PIGU: variants seen among roughly 807,000 people sequenced by gnomAD.
The protein encoded by PIGU is phosphatidylinositol glycan anchor biosynthesis class U, also known as GPI-anchor transamidase component PIGU.
Under a neutral mutation model 49.9 loss-of-function variants are expected in PIGU, and 24 were observed. The observed-to-expected ratio is 0.48, with a 90% confidence interval of 0.35 to 0.68. The LOEUF is 0.68. Among genes scored for constraint, PIGU ranks in the 30% least tolerant of loss-of-function variants. PIGU has a pLI of 0.01. For synonymous variants in PIGU, 220 were observed against 205.7 expected, an observed-to-expected ratio of 1.07 and a Z score of -0.59; for missense variants, 490 against 532.6, an observed-to-expected ratio of 0.92 and a Z score of 0.79.
intron 7 of PIGU, among the ~76,000 whole-genome samples, chr20:34,609,933 CT>C (rs1367668015): frequency 6.6e-6 from 1 of 152,138 alleles, no homozygotes; most frequent in Non-Finnish European, 1.5e-5. Flanking sequence ...TTATAAGGGT[CT>C]TTTCCCTCTT....
chr20:34,614,055 G>T (rs1568639787), intron 7 of PIGU, among the ~76,000 whole-genome samples: 1 of 152,176 alleles, frequency 6.6e-6, no homozygotes, highest in South Asian at 2.1e-4. Context: ...CAGCACTTTG[G>T]GAGGCCAAGG....
intron 1 of PIGU, among the ~76,000 whole-genome samples, chr20:34,669,077 G>T (rs192121483): frequency 5.9e-5 from 9 of 151,866 alleles, no homozygotes; most frequent in Non-Finnish European, 1.3e-4. Context: ...TGTAGAGAGG[G>T]AGTCTCCCTA....
intron 7 of PIGU, among the ~76,000 whole-genome samples, chr20:34,601,563 G>A (rs2146726925): frequency 6.6e-6 from 1 of 152,216 alleles, no homozygotes; most frequent in Admixed American, 6.5e-5. Context: ...AGGGCCAGGG[G>A]AAAGAACACC....
At chr20:34,565,094 CT>C (rs1982687171) in intron 11 of PIGU, among the ~76,000 whole-genome samples, 1 of 152,224 alleles carries the variant, frequency 6.6e-6, no homozygotes, top group Non-Finnish European at 1.5e-5. Context: ...CCCAGAGCCC[CT>C]TTGCCCAGTC....
intron 2 of PIGU, among the ~76,000 whole-genome samples, chr20:34,653,863 CTTT>C (rs879560866): frequency 6.9e-6 from 1 of 145,350 alleles, no homozygotes; most frequent in Non-Finnish European, 1.5e-5. Flanking sequence ...AGACACCTTT[CTTT>C]TTTTTTTTTG....
Position 34,666,185 on chromosome 20 carries a change from C to CA in PIGU, c.131-8942dup, listed in dbSNP as rs1208652968. 4.4e-3 allele frequency among the ~76,000 whole-genome samples: 640 copies of CA among 146,370 alleles called. 3 individuals are homozygous for CA. Among genetic ancestry groups the CA allele is most frequent in the Non-Finnish European group, 5.4e-3 (358 of 66,348 alleles). Reference sequence around the variant, plus strand: ...CGGGCGATAGAACAAGACTCCATCTCAAAAAAAAAAGTTCCAGTAATATCA... The same window carrying CA: ...CGGGCGATAGAACAAGACTCCATCTCAAAAAAAAAAAGTTCCAGTAATATCA... On this transcript the variant is annotated intron_variant, in intron 1 of 11. Transcript: ENST00000217446.
At chr20:34,589,794 T>C (rs1289867339) in intron 7 of PIGU, among the ~76,000 whole-genome samples, 1 of 151,244 alleles carries the variant, frequency 6.6e-6, no homozygotes, top group Non-Finnish European at 1.5e-5. Context: ...TAGCTGGGAC[T>C]ACAGGTGCCT....
chr20:34,666,945 G>T (rs548150138), intron 1 of PIGU, among the ~76,000 whole-genome samples: 1 of 151,956 alleles, frequency 6.6e-6, no homozygotes, highest in East Asian at 1.9e-4. Flanking sequence ...TGATCCACCC[G>T]CCTCGGCCTC....
chr20:34,606,254 CAAAA>C (rs35050660), intron 7 of PIGU, among the ~76,000 whole-genome samples: 2 of 83,874 alleles, frequency 2.4e-5, no homozygotes, highest in Non-Finnish European at 2.4e-5. Context: ...GACTCCGTCT[CAAAA>C]AAAAAAAAAA....
intron 1 of PIGU, among the ~76,000 whole-genome samples, chr20:34,675,845 A>C (rs1987480554): frequency 6.6e-6 from 1 of 152,102 alleles, no homozygotes; most frequent in Non-Finnish European, 1.5e-5. Flanking sequence ...CCCTGTCTCT[A>C]AACAAAAAAC....
At chr20:34,598,188 A>G (rs1040654460) in intron 7 of PIGU, among the ~76,000 whole-genome samples, 1 of 152,224 alleles carries the variant, frequency 6.6e-6, no homozygotes, top group South Asian at 2.1e-4. Flanking sequence ...AGTGGAACAC[A>G]GTGTTGCTTT....
chr20:34,659,796 G>A (rs1368968498), intron 1 of PIGU, among the ~76,000 whole-genome samples: 1 of 152,124 alleles, frequency 6.6e-6, no homozygotes, highest in African/African-American at 2.4e-5. Context: ...TCCACTCAGG[G>A]TTAAATGGAT....
At chr20:34,583,711 C>T (rs778027092) in intron 9 of PIGU, among the ~76,000 whole-genome samples, 1 of 152,210 alleles carries the variant, frequency 6.6e-6, no homozygotes, top group Non-Finnish European at 1.5e-5. Context: ...GAAGGTGGAC[C>T]ACAGACAGCT....
chr20:34,604,101 C>T (rs1984529557), intron 7 of PIGU, among the ~76,000 whole-genome samples: 1 of 152,076 alleles, frequency 6.6e-6, no homozygotes, highest in Non-Finnish European at 1.5e-5. Flanking sequence ...TCAAATGAAC[C>T]ACATCTGTGG....
intron 11 of PIGU, among the ~76,000 whole-genome samples, chr20:34,569,966 C>T (rs144387881): frequency 2.5e-4 from 38 of 152,320 alleles, no homozygotes; most frequent in African/African-American, 8.9e-4. Context: ...GGGTAAGTCT[C>T]TAACCCTTCC....
At chr20:34,674,811 A>AAGTAGGGT (rs1987442695) in intron 1 of PIGU, among the ~76,000 whole-genome samples, 1 of 151,914 alleles carries the variant, frequency 6.6e-6, no homozygotes, top group Non-Finnish European at 1.5e-5. Flanking sequence ...TTGGTGGTAC[A>AAGTAGGGT]TGCCTGTAGT....
At chr20:34,666,187 A>G (rs1013303200) in intron 1 of PIGU, among the ~76,000 whole-genome samples, 1 of 151,464 alleles carries the variant, frequency 6.6e-6, no homozygotes, top group African/African-American at 2.4e-5. Context: ...CTCCATCTCA[A>G]AAAAAAAAGT....
chr20:34,643,626 T>A (rs1201115319), intron 4 of PIGU: 1 of 152,350 alleles, frequency 6.6e-6, no homozygotes, highest in Non-Finnish European at 1.5e-5. Context: ...CACTATGCAA[T>A]TCTCCTTGGC....
intron 7 of PIGU, among the ~76,000 whole-genome samples, chr20:34,615,476 A>G (rs561090185): frequency 6.6e-6 from 1 of 152,366 alleles, no homozygotes; most frequent in African/African-American, 2.4e-5. Flanking sequence ...TATGTAAAAT[A>G]AAATGCACTT....
Sources: gnomAD v4.1 joint callset for allele counts (sites outside exome capture counted in the v4.1 genomes callset) on GRCh38, gnomAD v4.1.1 for gene constraint, MANE v1.5 for transcripts, NCBI Gene and HGNC (gene_info 2026-07-23, HGNC 2026-07-21) for gene names.